TIAM1: variants seen among roughly 807,000 people sequenced by gnomAD.
TIAM1 encodes TIAM Rac1 associated GEF 1.
A neutral mutation model predicts 163.5 loss-of-function variants in TIAM1; 65 were observed. The observed-to-expected ratio is 0.40, with a 90% CI of 0.33 to 0.49. TIAM1 has a LOEUF of 0.49. Ranked by LOEUF, TIAM1 falls within the 20% of genes least tolerant of loss-of-function variation. The pLI, the probability that TIAM1 is intolerant of heterozygous loss-of-function variation, is 0.77. For synonymous variants in TIAM1, 833 were observed against 810.1 expected, an observed-to-expected ratio of 1.03 and a Z score of -0.48; for missense variants, 1,789 against 2,044.7, an observed-to-expected ratio of 0.87 and a Z score of 2.41.
At chr21:31,180,180 AC>A (rs1438228552) in intron 15 of TIAM1, among the ~76,000 whole-genome samples, 1 of 152,190 alleles carries the variant, frequency 6.6e-6, no homozygotes, top group Non-Finnish European at 1.5e-5. Context: ...TGCTGGGATT[AC>A]AGGTGTGAGC....
At chr21:31,187,753 C>T (rs979719403) in intron 13 of TIAM1, among the ~76,000 whole-genome samples, 1 of 152,016 alleles carries the variant, frequency 6.6e-6, no homozygotes, top group Admixed American at 6.6e-5. Flanking sequence ...AGAGTGAGGC[C>T]GAGGTATTCT....
At chr21:31,177,502 G>A (rs2084815558) in intron 15 of TIAM1, among the ~76,000 whole-genome samples, 1 of 152,184 alleles carries the variant, frequency 6.6e-6, no homozygotes, top group Admixed American at 6.5e-5. Flanking sequence ...GGCTATTTGG[G>A]AGGCTGAGGC....
intron 14 of TIAM1, among the ~76,000 whole-genome samples, chr21:31,185,665 TATC>T (rs996935063): frequency 1.2e-4 from 18 of 146,696 alleles, no homozygotes; most frequent in African/African-American, 3.2e-4. Flanking sequence ...ATAATTACAA[TATC>T]ATCATTATAA....
chr21:31,353,166 A>G (rs1250440879), intron 2 of TIAM1, among the ~76,000 whole-genome samples: 3 of 152,190 alleles, frequency 2.0e-5, no homozygotes, highest in Admixed American at 6.5e-5. Flanking sequence ...ATTTCAACGC[A>G]TATCAAGAAA....
chr21:31,480,368 T>C (rs1224801134), intron 1 of TIAM1, among the ~76,000 whole-genome samples: 1 of 152,252 alleles, frequency 6.6e-6, no homozygotes, highest in African/African-American at 2.4e-5. Flanking sequence ...TGAGTTGCAT[T>C]TTTAAACAAG....
chr21:31,377,744 G>A (rs2076711960), intron 2 of TIAM1, among the ~76,000 whole-genome samples: 2 of 151,906 alleles, frequency 1.3e-5, no homozygotes, highest in South Asian at 2.1e-4. Context: ...TCCCGCAGGG[G>A]TCTTCTTGGA....
At chr21:31,455,434 C>T (rs2045058755) in intron 2 of TIAM1, among the ~76,000 whole-genome samples, 3 of 147,914 alleles carry the variant, frequency 2.0e-5, no homozygotes, top group East Asian at 2.0e-4. Context: ...TTTTTTGAGA[C>T]GGAGTCTCAC....
At chr21:31,529,485 G>A (rs1569415083) in intron 1 of TIAM1, among the ~76,000 whole-genome samples, 1 of 151,996 alleles carries the variant, frequency 6.6e-6, no homozygotes, top group Non-Finnish European at 1.5e-5. Context: ...AATACCTTGA[G>A]TAAACAGAGA....
At chr21:31,525,367 C>CAA (rs200283424) in intron 1 of TIAM1, among the ~76,000 whole-genome samples, 27 of 101,686 alleles carry the variant, frequency 2.7e-4, no homozygotes, top group African/African-American at 6.6e-4. Flanking sequence ...GACTCCGTCT[C>CAA]AAAAAAAAAA....
At chr21:31,199,400 C>T (rs577503305) in intron 12 of TIAM1, among the ~76,000 whole-genome samples, 1 of 152,064 alleles carries the variant, frequency 6.6e-6, no homozygotes, top group African/African-American at 2.4e-5. Flanking sequence ...TTCCCTCCCC[C>T]CCACCATCTC....
At chr21:31,439,084 C>T (rs1189036861) in intron 2 of TIAM1, among the ~76,000 whole-genome samples, 5 of 152,254 alleles carry the variant, frequency 3.3e-5, no homozygotes, top group Admixed American at 6.5e-5. Flanking sequence ...GGGGAAAGTG[C>T]TATCGTTGAT....
At chr21:31,506,619 G>C (rs1441729485) in intron 1 of TIAM1, among the ~76,000 whole-genome samples, 1 of 152,186 alleles carries the variant, frequency 6.6e-6, no homozygotes, top group Non-Finnish European at 1.5e-5. Context: ...GCATGTGTCA[G>C]AATTTCCTTC....
At chr21:31,135,467 A>G (rs1180403039) in intron 23 of TIAM1, among the ~76,000 whole-genome samples, 2 of 152,222 alleles carry the variant, frequency 1.3e-5, no homozygotes, top group African/African-American at 2.4e-5. Context: ...ACAACAGCTC[A>G]GCTGAGAACC....
At chr21:31,345,560 A>G (rs940264898), upstream of TIAM1, among the ~76,000 whole-genome samples, 1 of 152,152 alleles carries the variant, frequency 6.6e-6, no homozygotes, top group African/African-American at 2.4e-5. Context: ...TTCTTGGTAA[A>G]GAATATAGGC....
In TIAM1 at chr21:31,217,673, T is replaced by A; in HGVS notation, c.2022A>T (p.Gly674=). The A allele has an allele frequency of 6.2e-7, 1 of 1,613,620 alleles. No homozygotes were observed. The highest frequency in any genetic ancestry group is 8.5e-7 in the Non-Finnish European group (1 of 1,179,778). ...ALVAARTGET[G]VRRRTQAMSR... is the part of the protein sequence containing the mutation. ...ACATGGCCTGAGTACGTCTTCTCAC[T>A]CCAGTTTCACCAGTGCGTGCTGCCA... Residue 674 remains glycine (G), a synonymous_variant, in exon 9 of 28, where the codon GGA becomes GGT. Coordinates refer to ENST00000541036, the MANE Select transcript of TIAM1 (RefSeq NM_001353694.2).
intron 1 of TIAM1, among the ~76,000 whole-genome samples, chr21:31,343,131 C>A (rs2833383): frequency 6.6e-6 from 1 of 152,100 alleles, no homozygotes; most frequent in Non-Finnish European, 1.5e-5. Context: ...ATGAAGGATT[C>A]GCTTACAAAA....
intron 2 of TIAM1, among the ~76,000 whole-genome samples, chr21:31,334,056 G>A (rs1045590585): frequency 3.9e-5 from 6 of 152,170 alleles, no homozygotes; most frequent in African/African-American, 1.4e-4. Flanking sequence ...AATCGGAAAC[G>A]CTTCCAATCA....
intron 2 of TIAM1, among the ~76,000 whole-genome samples, chr21:31,451,164 G>T (rs559294756): frequency 6.6e-6 from 1 of 152,184 alleles, no homozygotes; most frequent in African/African-American, 2.4e-5. Flanking sequence ...GCAATATGCG[G>T]CTCCGAGGCC....
chr21:31,309,722 G>A (rs542615294), intron 2 of TIAM1, among the ~76,000 whole-genome samples: 5 of 152,228 alleles, frequency 3.3e-5, no homozygotes, highest in African/African-American at 1.2e-4. Flanking sequence ...AAACTTAAGG[G>A]CATCTCTGAA....
Sources: gnomAD v4.1 joint callset for allele counts (sites outside exome capture counted in the v4.1 genomes callset) on GRCh38, gnomAD v4.1.1 for gene constraint, MANE v1.5 for transcripts, NCBI Gene and HGNC (gene_info 2026-07-23, HGNC 2026-07-21) for gene names.